ERBB4: variants seen among roughly 807,000 people sequenced by gnomAD.
ERBB4 encodes the protein erb-b2 receptor tyrosine kinase 4, also known as receptor tyrosine-protein kinase erbB-4.
A neutral mutation model predicts 158.0 loss-of-function variants in ERBB4; 42 were observed. The ratio of observed to expected loss-of-function variants is 0.27; its 90% CI spans 0.21 to 0.34. The LOEUF is 0.34. Among genes scored for constraint, ERBB4 ranks in the 10% least tolerant of loss-of-function variants. The pLI is 1.00. For synonymous variants in ERBB4, 583 were observed against 558.7 expected, an observed-to-expected ratio of 1.04 and a Z score of -0.61; for missense variants, 1,333 against 1,624.1, an observed-to-expected ratio of 0.82 and a Z score of 3.08.
At chr2:211,537,915 T>G (rs1005480018) in intron 20 of ERBB4, among the ~76,000 whole-genome samples, 1 of 151,946 alleles carries the variant, frequency 6.6e-6, no homozygotes, top group Admixed American at 6.6e-5. Context: ...TTAAGACATT[T>G]TTTAAATGTG....
At chr2:211,893,143 T>A (rs868509351) in intron 3 of ERBB4, among the ~76,000 whole-genome samples, 9,427 of 145,232 alleles carry the variant, frequency 0.065, 696 homozygotes, top group Non-Finnish European at 0.094. Context: ...GGCATCACAT[T>A]ACCTGACTTC....
intron 12 of ERBB4, among the ~76,000 whole-genome samples, chr2:211,689,971 T>G (rs976207029): frequency 6.6e-6 from 1 of 150,496 alleles, no homozygotes; most frequent in Non-Finnish European, 1.5e-5. Flanking sequence ...TCAAGTTCTA[T>G]CTCAGGCCTT....
intron 7 of ERBB4, among the ~76,000 whole-genome samples, chr2:211,721,644 T>TATATATATATATATATATAC (rs1156312544): frequency 1.9e-4 from 27 of 144,722 alleles, no homozygotes; most frequent in African/African-American, 6.4e-4. Context: ...TATATATATA[T>TATATATATATATATATATAC]ACATGTTTTG....
chr2:212,137,324 C>T (rs2080303824), intron 1 of ERBB4, among the ~76,000 whole-genome samples: 1 of 152,098 alleles, frequency 6.6e-6, no homozygotes, highest in Non-Finnish European at 1.5e-5. Context: ...CCTCTCTCTC[C>T]TCCCACTCTC....
At chr2:211,443,019 C>T (rs900989819) in intron 20 of ERBB4, among the ~76,000 whole-genome samples, 3 of 151,968 alleles carry the variant, frequency 2.0e-5, no homozygotes, top group Non-Finnish European at 4.4e-5. Flanking sequence ...CGTTTTGGGA[C>T]AGTCAATAAA....
At chr2:211,659,959 C>A (rs2071357279) in intron 15 of ERBB4, among the ~76,000 whole-genome samples, 1 of 152,078 alleles carries the variant, frequency 6.6e-6, no homozygotes, top group African/African-American at 2.4e-5. Context: ...AGGTAAGAAG[C>A]TGAAATTTAG....
intron 25 of ERBB4, among the ~76,000 whole-genome samples, chr2:211,419,387 ATGTT>A (rs1433298067): frequency 2.2e-4 from 33 of 152,234 alleles, no homozygotes; most frequent in African/African-American, 6.7e-4. Context: ...AAAGAAAATT[ATGTT>A]TGTTAGATAA....
chr2:211,794,836 T>C (rs2076349523), intron 3 of ERBB4, among the ~76,000 whole-genome samples: 1 of 151,942 alleles, frequency 6.6e-6, no homozygotes, highest in African/African-American at 2.4e-5. Flanking sequence ...AACTTTTTTC[T>C]AATAATTTTC....
chr2:212,239,280 T>G (rs2106007917), intron 1 of ERBB4, among the ~76,000 whole-genome samples: 1 of 152,280 alleles, frequency 6.6e-6, no homozygotes, highest in Non-Finnish European at 1.5e-5. Context: ...TGGGCTCAAA[T>G]AATCCTCCTG....
At chr2:212,376,316 G>C (rs115426451) in intron 1 of ERBB4, among the ~76,000 whole-genome samples, 3 of 151,988 alleles carry the variant, frequency 2.0e-5, no homozygotes, top group African/African-American at 7.2e-5. Flanking sequence ...AAGTGCTCCA[G>C]TCAAAGCAAA....
chr2:212,049,468 G>A (rs1483716856), intron 2 of ERBB4, among the ~76,000 whole-genome samples: 1 of 152,054 alleles, frequency 6.6e-6, no homozygotes, highest in East Asian at 1.9e-4. Flanking sequence ...TCTGTTATGA[G>A]TCGGGAGACT....
At chr2:211,746,646 T>C (rs1402650104) in intron 5 of ERBB4, among the ~76,000 whole-genome samples, 1 of 151,896 alleles carries the variant, frequency 6.6e-6, no homozygotes, top group African/African-American at 2.4e-5. Flanking sequence ...CTGACCAACA[T>C]GGCGAAACCC....
chr2:211,651,258 T>C (rs1346063449), intron 16 of ERBB4, among the ~76,000 whole-genome samples: 1 of 152,190 alleles, frequency 6.6e-6, no homozygotes, highest in Non-Finnish European at 1.5e-5. Context: ...TTGAAGATAG[T>C]TTAACCAATT....
intron 1 of ERBB4, among the ~76,000 whole-genome samples, chr2:212,267,751 T>TC (rs1176496328): frequency 2.7e-5 from 4 of 146,840 alleles, no homozygotes; most frequent in African/African-American, 7.4e-5. Flanking sequence ...CCTCCCCCCT[T>TC]CCCCCACCCC....
chr2:211,739,566 C>T (rs1227621703), intron 5 of ERBB4, among the ~76,000 whole-genome samples: 1 of 152,082 alleles, frequency 6.6e-6, no homozygotes, highest in Non-Finnish European at 1.5e-5. Flanking sequence ...CAGGTTCAAC[C>T]GATTCTCCTG....
At chr2:212,076,589 A>G (rs1020693099) in intron 2 of ERBB4, among the ~76,000 whole-genome samples, 6 of 151,946 alleles carry the variant, frequency 3.9e-5, no homozygotes, top group Admixed American at 2.0e-4. Flanking sequence ...GTTGAAATAT[A>G]TAAGTTTTAA....
At chr2:211,697,272 T>C (rs1457679142) in intron 12 of ERBB4, among the ~76,000 whole-genome samples, 1 of 152,166 alleles carries the variant, frequency 6.6e-6, no homozygotes, top group Admixed American at 6.6e-5. Context: ...TAATAAATTA[T>C]TTTGGATCCA....
At chr2:211,493,226 A>G (rs2065388854) in intron 20 of ERBB4, among the ~76,000 whole-genome samples, 1 of 152,224 alleles carries the variant, frequency 6.6e-6, no homozygotes, top group South Asian at 2.1e-4. Context: ...TTTATACCAT[A>G]CTTTTCTTAT....
chr2:212,120,940 T>A lies in ERBB4; in HGVS notation c.234+3812A>T, dbSNP rs77045042. On this transcript the variant is annotated intron_variant, in intron 2 of 27. Transcript: ENST00000342788. ...ATATTTTCTTTACATGGACTCCACT[T>A]ACTATAATGTGTTAATACTGGACAG... 9.7e-4 allele frequency among the ~76,000 whole-genome samples: 148 copies of A among 152,352 alleles called. No individual in the cohort carries two copies. In the East Asian group the frequency reaches 0.018, roughly 18 times the overall value.
Sources: allele counts gnomAD v4.1 joint callset (sites outside exome capture counted in the v4.1 genomes callset), GRCh38; gene constraint gnomAD v4.1.1; transcripts MANE v1.5; gene names NCBI Gene and HGNC (gene_info 2026-07-23, HGNC 2026-07-21).